Variants in ZNF503 observed in about 807,000 individuals in gnomAD.
ZNF503 encodes zinc finger protein 503.
A neutral mutation model predicts 34.4 loss-of-function variants in ZNF503; 15 were observed. That is an observed-to-expected ratio of 0.44 (90% CI 0.29 to 0.67). The LOEUF (loss-of-function observed/expected upper bound fraction) is 0.67. Among genes scored for constraint, ZNF503 ranks in the 30% least tolerant of loss-of-function variants. The pLI is 0.13. For missense variants in ZNF503, 1,007 were observed against 926.8 expected, an observed-to-expected ratio of 1.09 and a Z score of -1.12; for synonymous variants, 580 against 456.8, an observed-to-expected ratio of 1.27 and a Z score of -3.44.
the ZNF503 span, among the ~76,000 whole-genome samples, chr10:75,342,536 G>C: frequency 6.6e-6 from 1 of 152,146 alleles, no homozygotes; most frequent in South Asian, 2.1e-4. Flanking sequence ...ACACAGAGAT[G>C]GGTGCCATCG....
chr10:75,371,155 T>C, the ZNF503 span, among the ~76,000 whole-genome samples: 1 of 152,174 alleles, frequency 6.6e-6, no homozygotes, highest in Non-Finnish European at 1.5e-5. Flanking sequence ...TCCGAGGCAC[T>C]GTGCCTGGAG....
At chr10:75,362,863 C>T in the ZNF503 span, among the ~76,000 whole-genome samples, 25 of 152,290 alleles carry the variant, frequency 1.6e-4, no homozygotes, top group Admixed American at 7.2e-4. Context: ...CCGTTCCTTC[C>T]TTCCTACCTG....
Position 75,399,275 on chromosome 10 carries a change from G to A in ZNF503, c.1415C>T (p.Thr472Met), listed in dbSNP as rs868334781. The A allele has an allele frequency of 1.9e-6, 3 of 1,600,178 alleles. No homozygotes were observed. Among genetic ancestry groups the A allele is most frequent in the Admixed American group, 1.7e-5 (1 of 58,588 alleles). The change falls in exon 2 of 2, where the codon ACG becomes ATG. Residue 472 changes from threonine (T) to methionine (M), a missense_variant. Transcript: ENST00000372524. ...LKSGYPLVYPTHPLHGVHSSL... is the reference protein window; with the variant it reads ...LKSGYPLVYPMHPLHGVHSSL... ...GGAGTGCACACCGTGCAGCGGGTGC[G>A]TGGGGTACACCAGCGGGTATCCGGA...
chr10:75,391,885 T>C, the ZNF503 span, among the ~76,000 whole-genome samples: 2 of 152,160 alleles, frequency 1.3e-5, no homozygotes, highest in South Asian at 4.1e-4. Context: ...TAGGAGATAA[T>C]CCCTTCTCCC....
At chr10:75,289,812 C>T in the ZNF503 span, among the ~76,000 whole-genome samples, 5 of 152,108 alleles carry the variant, frequency 3.3e-5, no homozygotes, top group Admixed American at 2.0e-4. Context: ...GTGATCTGCC[C>T]GCCTTGGCCT....
the ZNF503 span, among the ~76,000 whole-genome samples, chr10:75,371,931 G>A: frequency 1.0e-3 from 153 of 152,232 alleles, no homozygotes; most frequent in African/African-American, 3.6e-3. Context: ...AGGGTTTTTT[G>A]TTATTGTTTT....
chr10:75,319,017 C>T, the ZNF503 span, among the ~76,000 whole-genome samples: 20 of 151,804 alleles, frequency 1.3e-4, no homozygotes, highest in South Asian at 8.3e-4. Flanking sequence ...TGGAGTGCAG[C>T]GATGCAATCA....
the ZNF503 span, among the ~76,000 whole-genome samples, chr10:75,329,928 A>G: frequency 6.6e-6 from 1 of 152,038 alleles, no homozygotes; most frequent in Admixed American, 6.5e-5. Flanking sequence ...CAAGTGGGCA[A>G]CCTTGTCTTG....
Position 75,401,470 on chromosome 10 carries a change from G to A in ZNF503, c.-51C>T, listed in dbSNP as rs1400928154. The stretch of plus-strand genomic sequence containing the variant: ...CGGGGGGGAGGGCTCCGGGAGGCGC[G>A]GGGCGGGCTCGGGGCTGCGCGCTCG... On this transcript the variant is annotated 5_prime_UTR_variant, in exon 1 of 2. Coordinates refer to ENST00000372524, the MANE Select transcript of ZNF503 (RefSeq NM_032772.6). 6.7e-7 allele frequency: 1 copy of A among 1,500,808 alleles called. No homozygotes were observed. 93.0% of individuals were successfully genotyped at this position (1,500,808 alleles called of 1,614,324 possible). A position where few individuals can be genotyped will look rare whatever the true frequency, so the allele number is the denominator to read the frequency against.
Position 75,398,350 on chromosome 10 carries a change from ACCT to A in ZNF503, c.*396_*398del, listed in dbSNP as rs1195717884. On this transcript the variant is annotated 3_prime_UTR_variant, in exon 2 of 2. Transcript: ENST00000372524. ...ACCCTCAAGTTTTAAAATTTTTCCCACCTCCTTTTTACCTACAGAGCTCAAACT... is the reference window on the plus strand; with the variant it reads ...ACCCTCAAGTTTTAAAATTTTTCCCACCTTTTTACCTACAGAGCTCAAACT... 2 of 165,120 alleles carry A rather than the reference ACCT, an allele frequency of 1.2e-5. No individual in the cohort carries two copies. Among genetic ancestry groups the A allele is most frequent in the African/African-American group, 4.8e-5 (2 of 42,104 alleles). The allele number at this position is 165,120 out of a possible 1,614,324, so 10.2% of individuals were successfully genotyped here. A position where few individuals can be genotyped will look rare whatever the true frequency, so the allele number is the denominator to read the frequency against.
rs763565405 is a variant in ZNF503, at chr10:75,398,798, G to T, written c.1892C>A (p.Ala631Asp). ...GGTGGTCAGTCTCTGTCCGTAGAGG[G>T]CGTAGGGGGAGTAGTACGGTCCGGT... is the stretch of plus-strand genomic sequence containing the variant. ...AATGPYYSPY[A>D]LYGQRLTTAS... The change falls in exon 2 of 2, where the codon GCC becomes GAC. Residue 631 changes from alanine (A) to aspartate (D), a missense_variant. By Grantham distance (126) the Ala-to-Asp change is moderately radical. Transcript: ENST00000372524. The T allele has an allele frequency of 6.8e-7, 1 of 1,480,482 alleles. No individual in the cohort carries two copies. Among genetic ancestry groups the T allele is most frequent in the East Asian group, 2.4e-5 (1 of 42,028 alleles). The allele number at this position is 1,480,482 out of a possible 1,614,324, so 91.7% of individuals were successfully genotyped here.
intron 1 of ZNF503, among the ~76,000 whole-genome samples, chr10:75,400,788 G>A (rs1843790117): frequency 2.6e-5 from 4 of 152,252 alleles, no homozygotes; most frequent in Admixed American, 1.3e-4. Flanking sequence ...GGATACGAAG[G>A]ACGGCGACTT....
At chr10:75,304,041 C>T in the ZNF503 span, among the ~76,000 whole-genome samples, 4 of 152,048 alleles carry the variant, frequency 2.6e-5, no homozygotes, top group East Asian at 7.7e-4. Flanking sequence ...ACCATGTTGG[C>T]CAGGCTGGTC....
chr10:75,292,675 C>T, the ZNF503 span, among the ~76,000 whole-genome samples: 1 of 152,182 alleles, frequency 6.6e-6, no homozygotes, highest in Non-Finnish European at 1.5e-5. Context: ...GAATGATTGG[C>T]CAGGCCTGGG....
At chr10:75,287,055 G>C in the ZNF503 span, among the ~76,000 whole-genome samples, 1 of 152,138 alleles carries the variant, frequency 6.6e-6, no homozygotes, top group Non-Finnish European at 1.5e-5. Flanking sequence ...AGCTGGGAAG[G>C]ATGCCAGACA....
At chr10:75,290,751 C>A in the ZNF503 span, among the ~76,000 whole-genome samples, 1 of 152,206 alleles carries the variant, frequency 6.6e-6, no homozygotes, top group African/African-American at 2.4e-5. Context: ...ATGCACTTCA[C>A]AGAGTGAGAA....
At chr10:75,334,363 C>T in the ZNF503 span, among the ~76,000 whole-genome samples, 1 of 152,208 alleles carries the variant, frequency 6.6e-6, no homozygotes, top group African/African-American at 2.4e-5. Flanking sequence ...AAAACTGTAT[C>T]TGAGAACTCC....
chr10:75,301,224 C>G, the ZNF503 span, among the ~76,000 whole-genome samples: 2 of 152,070 alleles, frequency 1.3e-5, no homozygotes, highest in African/African-American at 4.8e-5. Context: ...AATGATATGG[C>G]TGGGTTAACA....
chr10:75,373,217 C>T, the ZNF503 span, among the ~76,000 whole-genome samples: 1 of 152,250 alleles, frequency 6.6e-6, no homozygotes, highest in Admixed American at 6.5e-5. Flanking sequence ...AAAGTTATGG[C>T]TCTATCTGTG....
Sources: allele counts gnomAD v4.1 joint callset (sites outside exome capture counted in the v4.1 genomes callset), GRCh38; gene constraint gnomAD v4.1.1; transcripts MANE v1.5; gene names NCBI Gene and HGNC (gene_info 2026-07-23, HGNC 2026-07-21).